Variants in LDLRAD4 observed in about 807,000 individuals in gnomAD.
LDLRAD4 encodes low-density lipoprotein receptor class A domain-containing protein 4.
In LDLRAD4, 5 loss-of-function variants were observed where a neutral mutation model predicts 17.0. The ratio of observed to expected loss-of-function variants is 0.29; its 90% CI spans 0.15 to 0.62. The LOEUF is 0.62. Ranked by LOEUF, LDLRAD4 falls within the 20% of genes least tolerant of loss-of-function variation. LDLRAD4 has a pLI of 0.84. For synonymous variants in LDLRAD4, 168 were observed against 171.8 expected (o/e 0.98, Z 0.17); for missense variants, 340 against 424.7 (o/e 0.80, Z 1.75).
At chr18:13,304,083 C>T (rs999596554) in intron 1 of LDLRAD4, among the ~76,000 whole-genome samples, 1 of 152,190 alleles carries the variant, frequency 6.6e-6, no homozygotes, top group Non-Finnish European at 1.5e-5. Context: ...GGGGTCTGGT[C>T]CCCCCGGGAG....
Position 13,291,661 on chromosome 18 carries a change from T to G in LDLRAD4, c.-383+13473T>G, listed in dbSNP as rs564957666. ...AAGCCACAACTAGATCTGAAGACTC[T>G]CAGGAACAATGAGGGTCTCATCAGT... On this transcript the variant is annotated intron_variant, in intron 1 of 5. Transcript: ENST00000359446. Among the ~76,000 whole-genome samples, 24 of 152,268 alleles carry G rather than the reference T, an allele frequency of 1.6e-4. No homozygotes were observed. The South Asian group carries it at 4.8e-3, about 30-fold the overall frequency.
intron 3 of LDLRAD4, among the ~76,000 whole-genome samples, chr18:13,595,014 A>C (rs2095077865): frequency 6.6e-6 from 1 of 151,942 alleles, no homozygotes; most frequent in African/African-American, 2.4e-5. Flanking sequence ...AAGTTATCTA[A>C]TCTGTTGGCA....
At chr18:13,556,199 A>T (rs2094481698) in intron 3 of LDLRAD4, among the ~76,000 whole-genome samples, 1 of 152,176 alleles carries the variant, frequency 6.6e-6, no homozygotes, top group South Asian at 2.1e-4. Context: ...TTCTGAGTCT[A>T]TTGCATTGTT....
intron 2 of LDLRAD4, among the ~76,000 whole-genome samples, chr18:13,405,117 AATT>A (rs1449955688): frequency 2.6e-5 from 4 of 151,712 alleles, no homozygotes; most frequent in Non-Finnish European, 2.9e-5. Context: ...ACAAATACAA[AATT>A]ATTATTATAA....
At chr18:13,572,375 C>A (rs1192903268) in intron 3 of LDLRAD4, among the ~76,000 whole-genome samples, 1 of 152,202 alleles carries the variant, frequency 6.6e-6, no homozygotes, top group Admixed American at 6.5e-5. Flanking sequence ...TTCCCTGCTC[C>A]AGGGTCAGTG....
At chr18:13,268,087 G>A (rs1252080181) in intron 1 of LDLRAD4, among the ~76,000 whole-genome samples, 1 of 152,272 alleles carries the variant, frequency 6.6e-6, no homozygotes, top group South Asian at 2.1e-4. Flanking sequence ...TGCCTGGAGA[G>A]ATATTTTCCT....
chr18:13,437,107 G>A (rs2090716638), intron 2 of LDLRAD4, among the ~76,000 whole-genome samples: 1 of 152,214 alleles, frequency 6.6e-6, no homozygotes, highest in Non-Finnish European at 1.5e-5. Context: ...TTGGTGTGCC[G>A]ATGCCCAGCC....
chr18:13,523,480 C>A (rs2093983876), intron 3 of LDLRAD4, among the ~76,000 whole-genome samples: 1 of 152,166 alleles, frequency 6.6e-6, no homozygotes, highest in Non-Finnish European at 1.5e-5. Flanking sequence ...GAAGAGGACC[C>A]CAGGCCTGGG....
chr18:13,235,883 C>A (rs991817136), intron 1 of LDLRAD4, among the ~76,000 whole-genome samples: 1 of 152,122 alleles, frequency 6.6e-6, no homozygotes, highest in Non-Finnish European at 1.5e-5. Flanking sequence ...AGGAAATACA[C>A]CAGGACATTA....
chr18:13,404,724 G>A (rs2087564762), intron 2 of LDLRAD4, among the ~76,000 whole-genome samples: 1 of 151,966 alleles, frequency 6.6e-6, no homozygotes, highest in South Asian at 2.1e-4. Context: ...CGTGAACCCG[G>A]GAGGCGGAGC....
At chr18:13,649,900 G>A (rs984572045) in exon 6 of LDLRAD4, 6 of 396,756 alleles carry the variant, frequency 1.5e-5, no homozygotes, top group South Asian at 1.4e-4. Flanking sequence ...AGAATGCCGC[G>A]TGCTTGGCCT....
chr18:13,354,222 A>C (rs2083207252), intron 1 of LDLRAD4, among the ~76,000 whole-genome samples: 1 of 152,184 alleles, frequency 6.6e-6, no homozygotes, highest in Non-Finnish European at 1.5e-5. Flanking sequence ...CCAGTCTCTA[A>C]AAAAAGAAAT....
chr18:13,240,695 G>C (rs1034376943), intron 1 of LDLRAD4: 4 of 152,366 alleles, frequency 2.6e-5, no homozygotes, highest in African/African-American at 7.2e-5. Flanking sequence ...GCAGGCATCT[G>C]TTCTCCTCAT....
chr18:13,525,900 C>T (rs2094024178), intron 3 of LDLRAD4, among the ~76,000 whole-genome samples: 1 of 152,262 alleles, frequency 6.6e-6, no homozygotes, highest in Middle Eastern at 3.2e-3. Context: ...CTTTATCACT[C>T]TTCTCCAAAG....
intron 1 of LDLRAD4, among the ~76,000 whole-genome samples, chr18:13,310,356 T>TA (rs71370950): frequency 1.2e-3 from 176 of 142,416 alleles, no homozygotes; most frequent in African/African-American, 2.7e-3. Context: ...CTCTGTCTCT[T>TA]AAAAAAAAAA....
intron 3 of LDLRAD4, among the ~76,000 whole-genome samples, chr18:13,554,653 T>C (rs953690774): frequency 2.6e-5 from 4 of 152,178 alleles, no homozygotes; most frequent in African/African-American, 4.8e-5. Context: ...TTTAATAATA[T>C]TTTATTTAGG....
chr18:13,426,968 G>C (rs952202123), intron 2 of LDLRAD4, among the ~76,000 whole-genome samples: 18 of 152,054 alleles, frequency 1.2e-4, no homozygotes, highest in Non-Finnish European at 2.5e-4. Flanking sequence ...GGCGGATCAC[G>C]AAGTTAGCAG....
At chr18:13,251,740 A>G (rs2145829306) in intron 1 of LDLRAD4, among the ~76,000 whole-genome samples, 1 of 152,358 alleles carries the variant, frequency 6.6e-6, no homozygotes, top group East Asian at 1.9e-4. Context: ...AACAAATGGA[A>G]AGTACTTGGA....
At chr18:13,313,245 G>A (rs766369611) in intron 1 of LDLRAD4, among the ~76,000 whole-genome samples, 10 of 152,204 alleles carry the variant, frequency 6.6e-5, no homozygotes, top group African/African-American at 9.6e-5. Context: ...TTGAGTTGGC[G>A]TTGTGCACGT....
Sources: gnomAD v4.1 joint callset for allele counts (sites outside exome capture counted in the v4.1 genomes callset) on GRCh38, gnomAD v4.1.1 for gene constraint, MANE v1.5 for transcripts, NCBI Gene and HGNC (gene_info 2026-07-23, HGNC 2026-07-21) for gene names.